The following IFT81 variants were observed in gnomAD, a reference collection of about 807,000 sequenced individuals.
IFT81 encodes intraflagellar transport protein 81 homolog.
Under a neutral mutation model 102.6 loss-of-function variants are expected in IFT81, and 72 were observed. The observed-to-expected ratio is 0.70, with a 90% CI of 0.58 to 0.85. The LOEUF (loss-of-function observed/expected upper bound fraction) is 0.85, where lower values mean the gene tolerates loss of function less well. IFT81 is among the 40% of genes least tolerant of loss of function. IFT81 has a pLI of 0.00. For synonymous variants in IFT81, 237 were observed against 242.7 expected (o/e 0.98, Z 0.22); for missense variants, 723 against 787.3 (o/e 0.92, Z 0.98).
chr12:110,173,791 C>A (rs1222601989), intron 11 of IFT81, among the ~76,000 whole-genome samples: 1 of 151,986 alleles, frequency 6.6e-6, no homozygotes. Flanking sequence ...GTCATCACCA[C>A]TCCCTAATCT....
chr12:110,204,759 C>G (rs1868402055), intron 15 of IFT81: 1 of 152,346 alleles, frequency 6.6e-6, no homozygotes. Context: ...CCACCCAGTC[C>G]CTCTATCACA....
At chr12:110,139,336 CAA>C (rs398044810) in intron 8 of IFT81, among the ~76,000 whole-genome samples, 10 of 52,570 alleles carry the variant, frequency 1.9e-4, no homozygotes, top group Non-Finnish European at 2.7e-4. Context: ...GACTCTGTCT[CAA>C]AAAAAAAAAA....
intron 11 of IFT81, chr12:110,172,043 A>G (rs967461588): frequency 1.3e-5 from 2 of 152,260 alleles, no homozygotes; most frequent in African/African-American, 2.4e-5. Flanking sequence ...ATTTGAAGAC[A>G]AAAGTGTTCA....
intron 12 of IFT81, 65 bp from the exon 13 acceptor site, chr12:110,190,855 A>C (rs1897761652): frequency 7.1e-7 from 1 of 1,411,416 alleles, no homozygotes; most frequent in Admixed American, 2.8e-5. Flanking sequence ...TGAAATTTGT[A>C]CATTTCTTAT....
At chr12:110,180,768 T>C (rs1264960107) in intron 12 of IFT81, among the ~76,000 whole-genome samples, 197 bp downstream of exon 12, 1 of 152,262 alleles carries the variant, frequency 6.6e-6, no homozygotes, top group African/African-American at 2.4e-5. Context: ...GTGTGTGTGC[T>C]GACTTCGGGG....
intron 12 of IFT81, among the ~76,000 whole-genome samples, chr12:110,190,206 A>G (rs1897727062): frequency 6.6e-6 from 1 of 152,182 alleles, no homozygotes; most frequent in Non-Finnish European, 1.5e-5. Flanking sequence ...TGCAAGGGAC[A>G]ATAGATGTAC....
At chr12:110,140,775 G>A (rs1894840988) in intron 8 of IFT81, among the ~76,000 whole-genome samples, 1 of 152,218 alleles carries the variant, frequency 6.6e-6, no homozygotes, top group Non-Finnish European at 1.5e-5. Flanking sequence ...CCAGGCTGGA[G>A]TGCAATGGCG....
intron 14 of IFT81, among the ~76,000 whole-genome samples, chr12:110,200,016 G>A (rs964926658): frequency 1.3e-5 from 2 of 152,188 alleles, no homozygotes; most frequent in African/African-American, 4.8e-5. Flanking sequence ...GTGTTACCAA[G>A]ACTGACCATT....
chr12:110,173,020 C>A (rs1444601176), intron 11 of IFT81, among the ~76,000 whole-genome samples: 1 of 149,160 alleles, frequency 6.7e-6, no homozygotes, highest in Admixed American at 6.6e-5. Flanking sequence ...GGCCAGCCGC[C>A]CCGTCCAGGA....
At chr12:110,172,044 A>G (rs1020256623) in intron 11 of IFT81, 1 of 152,248 alleles carries the variant, frequency 6.6e-6, no homozygotes, top group Non-Finnish European at 1.5e-5. Flanking sequence ...TTTGAAGACA[A>G]AAGTGTTCAT....
intron 14 of IFT81, among the ~76,000 whole-genome samples, chr12:110,193,518 G>C (rs1897882475): frequency 6.6e-6 from 1 of 152,196 alleles, no homozygotes; most frequent in Non-Finnish European, 1.5e-5. Flanking sequence ...CTGCTTTAAA[G>C]ATAAATTGTC....
intron 11 of IFT81, chr12:110,169,027 T>TCCTTCCTC (rs1896597291): frequency 3.0e-5 from 1 of 33,756 alleles, no homozygotes; most frequent in African/African-American, 7.1e-5. Flanking sequence ...CTTCCTCCCT[T>TCCTTCCTC]CCTTCCTTCC....
At chr12:110,146,813 A>T in intron 9 of IFT81, 140 bp from the exon 10 acceptor site, 1 of 1,059,108 alleles carries the variant, frequency 9.4e-7, no homozygotes, top group Non-Finnish European at 1.3e-6. Context: ...TTAAAAAAAA[A>T]ATTAGTCTAG....
chr12:110,165,363 G>A (rs1205751705), intron 11 of IFT81, among the ~76,000 whole-genome samples: 1 of 152,158 alleles, frequency 6.6e-6, no homozygotes, highest in Non-Finnish European at 1.5e-5. Context: ...TAATACAGCT[G>A]GAGGTATAAT....
At chr12:110,146,101 C>G (rs139578631) in intron 9 of IFT81, among the ~76,000 whole-genome samples, 2 of 152,118 alleles carry the variant, frequency 1.3e-5, no homozygotes, top group African/African-American at 4.8e-5. Flanking sequence ...TGTGAGCCAC[C>G]GTGCCCGGCC....
intron 2 of IFT81, among the ~76,000 whole-genome samples, chr12:110,127,804 T>C (rs1053111443): frequency 2.0e-5 from 3 of 152,248 alleles, no homozygotes; most frequent in Non-Finnish European, 4.4e-5. Flanking sequence ...AGTTAGTTCA[T>C]GTCTCTCATA....
At chr12:110,203,649 A>G in intron 14 of IFT81, 1 of 545,598 alleles carries the variant, frequency 1.8e-6, no homozygotes, top group Non-Finnish European at 3.3e-6. Flanking sequence ...CTAACAAAGA[A>G]CCTGGCACAC....
At chr12:110,214,764 T>C (rs1290641762) in intron 18 of IFT81, among the ~76,000 whole-genome samples, 1 of 152,162 alleles carries the variant, frequency 6.6e-6, no homozygotes, top group Admixed American at 6.5e-5. Context: ...TTAAATAACT[T>C]TTATAGGTTG....
At chr12:110,207,115 C>T (rs757370292) in intron 17 of IFT81, among the ~76,000 whole-genome samples, 3 of 152,070 alleles carry the variant, frequency 2.0e-5, no homozygotes, top group African/African-American at 4.8e-5. Context: ...CTGCAATCTC[C>T]GCCTCCCAGG....
Sources: allele counts gnomAD v4.1 joint callset (sites outside exome capture counted in the v4.1 genomes callset), GRCh38; gene constraint gnomAD v4.1.1; transcripts MANE v1.5; gene names NCBI Gene and HGNC (gene_info 2026-07-23, HGNC 2026-07-21).